The following ZNF622 variants were observed in gnomAD, a reference collection of about 807,000 sequenced individuals.
ZNF622 encodes cytoplasmic 60S subunit biogenesis factor ZNF622.
A neutral mutation model predicts 49.7 loss-of-function variants in ZNF622; 34 were observed. The ratio of observed to expected loss-of-function variants is 0.68; its 90% CI spans 0.52 to 0.91. ZNF622 has a LOEUF of 0.91. Ranked by LOEUF, ZNF622 falls within the 40% of genes least tolerant of loss-of-function variation. The pLI is 0.00. For synonymous variants in ZNF622, 209 were observed against 228.7 expected (o/e 0.91, Z 0.78); for missense variants, 569 against 616.4 (o/e 0.92, Z 0.81).
intron 1 of ZNF622, 70 bp downstream of exon 1, chr5:16,464,971 A>G: frequency 1.3e-6 from 2 of 1,515,464 alleles, no homozygotes; most frequent in Non-Finnish European, 1.8e-6. Context: ...ACCCATCTCG[A>G]GTATAAATCT....
At position 16,451,598 on chromosome 5, in the gene ZNF622, G is replaced by A; in HGVS notation, c.*59C>T. The stretch of plus-strand genomic sequence containing the variant: ...TCTCTCCTATGATCTGTCTTTCACT[G>A]GTCCTCAGGGCAAGGAGGAAACTTG... On this transcript the variant is annotated 3_prime_UTR_variant, in exon 6 of 6. Transcript: ENST00000308683. 6.3e-7 allele frequency: 1 copy of A among 1,586,248 alleles called. No individual in the cohort carries two copies. Among genetic ancestry groups the A allele is most frequent in the Non-Finnish European group, 8.6e-7 (1 of 1,167,256 alleles).
intron 4 of ZNF622, among the ~76,000 whole-genome samples, chr5:16,456,600 CAAGAA>C (rs1490548441): frequency 1.3e-5 from 2 of 152,114 alleles, no homozygotes; most frequent in East Asian, 3.9e-4. Context: ...TTGAATCTTA[CAAGAA>C]AAGTAGGAAT....
At position 16,461,330 on chromosome 5, in the gene ZNF622, T is replaced by C. The variant is rs80270751; in HGVS notation, c.1049+1778A>G. 4.3e-3 allele frequency among the ~76,000 whole-genome samples: 654 copies of C among 152,338 alleles called. 9 individuals are homozygous for C. Among genetic ancestry groups the C allele is most frequent in the African/African-American group, 0.015 (628 of 41,580 alleles). On this transcript the variant is annotated intron_variant, in intron 3 of 5. Coordinates refer to ENST00000308683, the MANE Select transcript of ZNF622 (RefSeq NM_033414.3). ...TTTACTTTGAGTAAGATAGGTAGTC[T>C]TTGAAAGAATCTGAGCAGAGTTTGA...
Position 16,465,631 on chromosome 5 carries a change from G to A in ZNF622, c.35C>T (p.Ala12Val). The part of the protein sequence containing the change: ...ATYTCITCRV[A>V]FRDADMQRAH... ...CCGCTGCATGTCCGCGTCGCGGAACGCCACCCGGCAAGTTATGCAGGTGTA... is the reference window on the plus strand; with the variant it reads ...CCGCTGCATGTCCGCGTCGCGGAACACCACCCGGCAAGTTATGCAGGTGTA... The change falls in exon 1 of 6, where the codon GCG becomes GTG. Residue 12 changes from alanine (A) to valine (V), a missense_variant. Coordinates refer to ENST00000308683, the MANE Select transcript of ZNF622 (RefSeq NM_033414.3). This position sits in a 1 kb window ranked among gnomAD's most constrained non-coding sequence, Gnocchi z 6.2. The A allele has an allele frequency of 6.3e-7, 1 of 1,595,326 alleles. No homozygotes were observed. Among genetic ancestry groups the A allele is most frequent in the Non-Finnish European group, 8.5e-7 (1 of 1,169,812 alleles).
At chr5:16,456,666 G>A (rs944680102) in intron 4 of ZNF622, among the ~76,000 whole-genome samples, 2 of 152,172 alleles carry the variant, frequency 1.3e-5, no homozygotes, top group African/African-American at 4.8e-5. Flanking sequence ...CTGTATGTGG[G>A]TGGGGTAGAG....
Position 16,463,709 on chromosome 5 carries a change from T to C in ZNF622, c.659A>G (p.Glu220Gly). ...GTCCATTGCTTCAGTATCCTCACAT[T>C]CCAATTCTTCATCAGAATCAATATC... The part of the protein sequence containing the change: ...WEDIDSDEEL[E>G]CEDTEAMDDV... Residue 220 changes from glutamate to glycine, a missense_variant, in exon 2 of 6, where the codon GAA becomes GGA. By Grantham distance (98) the Glu-to-Gly change is moderately conservative (BLOSUM62 -2). Transcript: ENST00000308683. This position sits in a 1 kb window ranked among gnomAD's most constrained non-coding sequence, Gnocchi z 4.2. 1.2e-6 allele frequency: 2 copies of C among 1,613,842 alleles called. No individual in the cohort carries two copies. Among genetic ancestry groups the C allele is most frequent in the Non-Finnish European group, 1.7e-6 (2 of 1,179,914 alleles).
Position 16,464,244 on chromosome 5 carries a change from G to A in ZNF622, c.626-502C>T, listed in dbSNP as rs1233655045. 6.7e-5 allele frequency among the ~76,000 whole-genome samples: 10 copies of A among 150,224 alleles called. 1 individual carries two copies. Among genetic ancestry groups the A allele is most frequent in the Non-Finnish European group, 3.0e-5 (2 of 66,630 alleles). ...GGTGGGGCCTTTAGTGGGTGATTAG[G>A]TTAGGCAAGCACTAATCCTGAATAA... is the stretch of plus-strand genomic sequence containing the variant. On this transcript the variant is annotated intron_variant, in intron 1 of 5. Coordinates refer to ENST00000308683, the MANE Select transcript of ZNF622 (RefSeq NM_033414.3).
intron 4 of ZNF622, among the ~76,000 whole-genome samples, chr5:16,453,542 A>G (rs1264248545): frequency 7.2e-6 from 1 of 139,004 alleles, no homozygotes; most frequent in Admixed American, 7.5e-5. Flanking sequence ...CGTTTTATAT[A>G]TATAAATAAA....
intron 4 of ZNF622, among the ~76,000 whole-genome samples, chr5:16,454,413 G>A (rs891311509): frequency 1.8e-4 from 27 of 150,160 alleles, no homozygotes; most frequent in African/African-American, 5.9e-4. Context: ...GTGTGAACCC[G>A]GGAGGCGGAG....
Position 16,451,731 on chromosome 5 carries a change from T to G in ZNF622, c.1360A>C (p.Lys454Gln). 1 of 1,614,190 alleles carries G rather than the reference T, an allele frequency of 6.2e-7. No homozygotes were observed. Among genetic ancestry groups the G allele is most frequent in the Non-Finnish European group, 8.5e-7 (1 of 1,180,028 alleles). The change falls in exon 6 of 6, where the codon AAA becomes CAA. Residue 454 changes from lysine (K) to glutamine (Q), a missense_variant. Coordinates refer to ENST00000308683, the MANE Select transcript of ZNF622 (RefSeq NM_033414.3). The part of the protein sequence containing the change: ...DMQYVQRMKS[K>Q]WMLKTGMKNN... ...TTCATTCCTGTCTTCAGCATCCATT[T>G]TGATTTCATCCTTTGGACATACTGC...
intron 3 of ZNF622, among the ~76,000 whole-genome samples, chr5:16,459,626 T>G (rs769240770): frequency 6.6e-6 from 1 of 152,142 alleles, no homozygotes. Flanking sequence ...AGCCCCAAAT[T>G]AGAAACCACT....
At chr5:16,461,208 G>T (rs111841797) in intron 3 of ZNF622, among the ~76,000 whole-genome samples, 4 of 152,342 alleles carry the variant, frequency 2.6e-5, no homozygotes, top group East Asian at 1.9e-4. Context: ...TGCATTAGAG[G>T]AATAGTTAGG....
chr5:16,454,279 AG>A (rs1332474953), intron 4 of ZNF622, among the ~76,000 whole-genome samples: 27 of 152,212 alleles, frequency 1.8e-4, no homozygotes, highest in African/African-American at 5.8e-4. Context: ...CGAGGTCAGG[AG>A]ATCGAGACCA....
At position 16,454,349 on chromosome 5, in the gene ZNF622, G is replaced by T. The variant is rs142596575; in HGVS notation, c.1163-1193C>A. Among the ~76,000 whole-genome samples the T allele has an allele frequency of 2.9e-3, 438 of 152,026 alleles. 2 individuals carry two copies. Among genetic ancestry groups the T allele is most frequent in the African/African-American group, 9.4e-3 (388 of 41,440 alleles). On this transcript the variant is annotated intron_variant, in intron 4 of 5. Transcript: ENST00000308683. ...AAAAGCACAAAAAAATTAGCCGGGC[G>T]TGGTGGTGGGCACCTGTAGTCCCAG... is the stretch of plus-strand genomic sequence containing the variant.
intron 4 of ZNF622, among the ~76,000 whole-genome samples, chr5:16,457,307 A>C (rs1483269992): frequency 6.6e-6 from 1 of 152,200 alleles, no homozygotes; most frequent in Non-Finnish European, 1.5e-5. Flanking sequence ...ACCGTTTAAG[A>C]AGCAGAAGCT....
chr5:16,458,896 C>T (rs539923592), intron 3 of ZNF622, among the ~76,000 whole-genome samples: 2 of 152,200 alleles, frequency 1.3e-5, no homozygotes, highest in East Asian at 1.9e-4. Context: ...GGAGAATGTA[C>T]AGCTGGACAT....
Position 16,463,639 on chromosome 5 carries a change from G to A in ZNF622, c.729C>T (p.Gly243=). 1 of 1,614,208 alleles carries A rather than the reference G, an allele frequency of 6.2e-7. No individual in the cohort carries two copies. The highest frequency in any genetic ancestry group is 8.5e-7 in the Non-Finnish European group (1 of 1,180,044). Residue 243 remains glycine, a synonymous_variant, in exon 2 of 6, where the codon GGC becomes GGT. Transcript: ENST00000308683. The surrounding 1 kb of genome is among the most constrained non-coding windows in gnomAD (Gnocchi z 4.2). The part of the protein sequence containing the change: ...QDAEEEEAEE[G]PPLGAIPITD... ...TGATAGGGATGGCACCAAGGGGTGG[G>A]CCTTCCTCAGCCTCTTCCTCCTCTG...
At chr5:16,461,631 T>C (rs1738123653) in intron 3 of ZNF622, among the ~76,000 whole-genome samples, 2 of 152,306 alleles carry the variant, frequency 1.3e-5, no homozygotes, top group South Asian at 4.1e-4. Context: ...GAAGACTGCA[T>C]GGCATTTGGC....
rs1197267242 is a variant in ZNF622, at chr5:16,451,679, A to C, written c.1412T>G (p.Phe471Cys). The C allele has an allele frequency of 6.2e-7, 1 of 1,613,990 alleles. No homozygotes were observed. Among genetic ancestry groups the C allele is most frequent in the Admixed American group, 1.7e-5 (1 of 60,002 alleles). ...MKNNATKQMH[F>C]RVQVRF is the part of the protein sequence containing the mutation. The stretch of plus-strand genomic sequence containing the variant: ...CTCTCAGAATCTCACTTGGACCCGA[A>C]AGTGCATCTGCTTGGTGGCATTGTT... Residue 471 changes from phenylalanine to cysteine, a missense_variant, in exon 6 of 6, where the codon TTT becomes TGT. Transcript: ENST00000308683.
Sources: gnomAD v4.1 joint callset for allele counts (sites outside exome capture counted in the v4.1 genomes callset) on GRCh38, gnomAD v4.1.1 for gene constraint, Gnocchi (gnomAD v3.1) non-coding constraint, MANE v1.5 for transcripts, NCBI Gene and HGNC (gene_info 2026-07-23, HGNC 2026-07-21) for gene names.